The following DEPDC5 variants were observed in gnomAD, a reference collection of about 807,000 sequenced individuals.
The protein encoded by DEPDC5 is DEP domain containing 5, GATOR1 subcomplex subunit.
Under a neutral mutation model 217.3 loss-of-function variants are expected in DEPDC5, and 73 were observed. The ratio of observed to expected loss-of-function variants is 0.34; its 90% CI spans 0.28 to 0.41. The LOEUF (loss-of-function observed/expected upper bound fraction) is 0.41, where lower values mean the gene tolerates loss of function less well. DEPDC5 is among the 10% of genes least tolerant of loss of function. The pLI, the probability that DEPDC5 is intolerant of heterozygous loss-of-function variation, is 1.00. For synonymous variants in DEPDC5, 733 were observed against 756.7 expected, an observed-to-expected ratio of 0.97 and a Z score of 0.51; for missense variants, 1,675 against 2,070.1, an observed-to-expected ratio of 0.81 and a Z score of 3.70.
At chr22:31,808,210 C>T (rs2087786412) in intron 18 of DEPDC5, among the ~76,000 whole-genome samples, 1 of 151,866 alleles carries the variant, frequency 6.6e-6, no homozygotes, top group Non-Finnish European at 1.5e-5. Flanking sequence ...GTTTTCGTGC[C>T]CCAGCCTCCC....
At chr22:31,768,112 C>G (rs552782086) in intron 6 of DEPDC5, among the ~76,000 whole-genome samples, 3 of 149,660 alleles carry the variant, frequency 2.0e-5, no homozygotes, top group African/African-American at 7.4e-5. Context: ...TTTTTATTTC[C>G]GTGTTACTGG....
In DEPDC5 at chr22:31,829,377, C is replaced by A. The variant is rs147481775; in HGVS notation, c.2105-4538C>A. ...TGAAACCCCGCCTCTACTGAAAATA[C>A]AAATATTAGCTGGGCGTGGTGGCGG... On this transcript the variant is annotated intron_variant, in intron 24 of 42. Transcript: ENST00000651528. Among the ~76,000 whole-genome samples, 950 of 152,164 alleles carry A rather than the reference C, an allele frequency of 6.2e-3. 17 individuals are homozygous for A. The highest frequency in any genetic ancestry group is 0.021 in the African/African-American group (889 of 41,532).
intron 24 of DEPDC5, among the ~76,000 whole-genome samples, chr22:31,827,877 A>T (rs2090274979): frequency 6.6e-6 from 1 of 152,168 alleles, no homozygotes; most frequent in South Asian, 2.1e-4. Context: ...TTGTGAACCC[A>T]TATGACTATT....
chr22:31,786,441 AAAAAG>A (rs1188681909), intron 10 of DEPDC5, among the ~76,000 whole-genome samples: 47 of 151,402 alleles, frequency 3.1e-4, no homozygotes, highest in Non-Finnish European at 1.2e-4. Flanking sequence ...AAAAAAAAAA[AAAAAG>A]GGAAAAAATT....
chr22:31,897,914 T>G (rs2093581946), intron 40 of DEPDC5, among the ~76,000 whole-genome samples: 2 of 152,142 alleles, frequency 1.3e-5, no homozygotes, highest in Non-Finnish European at 1.5e-5. Flanking sequence ...AGCAAAGTGG[T>G]GGGTGGGAGA....
At chr22:31,817,968 T>A (rs2089317486) in intron 21 of DEPDC5, among the ~76,000 whole-genome samples, 2 of 152,218 alleles carry the variant, frequency 1.3e-5, no homozygotes, top group Admixed American at 1.3e-4. Context: ...AGGAATGAAA[T>A]ACAGTATTAC....
intron 24 of DEPDC5, among the ~76,000 whole-genome samples, chr22:31,830,663 G>GTA (rs948469682): frequency 6.6e-6 from 1 of 151,434 alleles, no homozygotes; most frequent in Non-Finnish European, 1.5e-5. Context: ...GTGTGTGTGT[G>GTA]TGTGTGTAGG....
chr22:31,809,235 G>C (rs963955265), intron 18 of DEPDC5, among the ~76,000 whole-genome samples: 1 of 152,158 alleles, frequency 6.6e-6, no homozygotes, highest in Non-Finnish European at 1.5e-5. Context: ...CCGTAGTGAA[G>C]GGGGAGGCAT....
chr22:31,846,985 G>C lies in DEPDC5; in HGVS notation c.3155+18G>C, dbSNP rs570709498. On this transcript the variant is annotated intron_variant, in intron 31 of 42. Transcript: ENST00000651528. ...AGTCAGAAGTAAGTGCTTGGTGGAA[G>C]ACTGACTTGTCCCCACCTTGACAGC... The C allele has an allele frequency of 4.3e-6, 7 of 1,614,244 alleles. No homozygotes were observed. In the East Asian group the frequency reaches 1.3e-4, roughly 31 times the overall value.
chr22:31,772,894 A>G (rs571724878), intron 7 of DEPDC5, among the ~76,000 whole-genome samples: 171 of 151,666 alleles, frequency 1.1e-3, no homozygotes, highest in Non-Finnish European at 2.1e-3. Context: ...TGATTCTCCT[A>G]CCTCAGCCTC....
At chr22:31,804,747 A>G (rs943333570) in intron 16 of DEPDC5, 95 bp from the exon 17 acceptor site, 1 of 1,338,798 alleles carries the variant, frequency 7.5e-7, no homozygotes, top group Non-Finnish European at 1.0e-6. Flanking sequence ...GCCCTAAAAA[A>G]TTTTTTTTAA....
At chr22:31,837,312 T>A (rs1342898398) in intron 26 of DEPDC5, 157 bp downstream of exon 26, 2 of 739,066 alleles carry the variant, frequency 2.7e-6, no homozygotes, top group Non-Finnish European at 4.1e-6. Flanking sequence ...AAATAAAAAA[T>A]TTTAAAAAAA....
At chr22:31,764,754 C>G (rs1018301490) in intron 4 of DEPDC5, among the ~76,000 whole-genome samples, 1 of 152,070 alleles carries the variant, frequency 6.6e-6, no homozygotes, top group African/African-American at 2.4e-5. Context: ...TCCCTTCTCC[C>G]TTTTTCTCTC....
At chr22:31,865,185 T>C (rs1174136830) in intron 33 of DEPDC5, among the ~76,000 whole-genome samples, 1 of 152,008 alleles carries the variant, frequency 6.6e-6, no homozygotes, top group African/African-American at 2.4e-5. Context: ...TTTGGAATGA[T>C]GTAAGATGTA....
chr22:31,764,661 C>G (rs568053626), intron 4 of DEPDC5, among the ~76,000 whole-genome samples: 2 of 152,162 alleles, frequency 1.3e-5, no homozygotes, highest in African/African-American at 4.8e-5. Flanking sequence ...GGTGATCTTC[C>G]TGCCTAGACC....
At chr22:31,805,870 G>A (rs1176572502) in intron 17 of DEPDC5, among the ~76,000 whole-genome samples, 1 of 152,156 alleles carries the variant, frequency 6.6e-6, no homozygotes, top group Non-Finnish European at 1.5e-5. Flanking sequence ...TGCTGAGGTG[G>A]GAGGAATGCT....
chr22:31,886,953 T>C (rs1344970670), intron 38 of DEPDC5, among the ~76,000 whole-genome samples: 1 of 151,366 alleles, frequency 6.6e-6, no homozygotes, highest in Non-Finnish European at 1.5e-5. Flanking sequence ...CGTGGTGGCG[T>C]GTGCCTGTAA....
Position 31,888,194 on chromosome 22 carries a change from T to A in DEPDC5, c.4034-5388T>A, listed in dbSNP as rs2093358132. On this transcript the variant is annotated intron_variant, in intron 38 of 42. Transcript: ENST00000651528. ...CTAGAAGCAGCAGCCCTGCAGCTCT[T>A]AGGCCCACTCACATGCCTTTCCTTC... 2.6e-5 allele frequency among the ~76,000 whole-genome samples: 4 copies of A among 151,090 alleles called. No homozygotes were observed. The South Asian group carries it at 8.4e-4, about 32-fold the overall frequency.
At chr22:31,802,134 T>C (rs1014913897) in intron 14 of DEPDC5, among the ~76,000 whole-genome samples, 1 of 146,036 alleles carries the variant, frequency 6.8e-6, no homozygotes, top group African/African-American at 2.5e-5. Context: ...ATTTTTTTTT[T>C]TTTTTTTTTT....
Sources: gnomAD v4.1 joint callset for allele counts (sites outside exome capture counted in the v4.1 genomes callset) on GRCh38, gnomAD v4.1.1 for gene constraint, MANE v1.5 for transcripts, NCBI Gene and HGNC (gene_info 2026-07-23, HGNC 2026-07-21) for gene names.